SCUBE1: variants seen among roughly 807,000 people sequenced by gnomAD.
SCUBE1 encodes the protein signal peptide, CUB and EGF-like domain-containing protein 1.
SCUBE1 carries 59 observed loss-of-function variants against 124.4 expected under a neutral mutation model. The ratio of observed to expected loss-of-function variants is 0.47; its 90% confidence interval spans 0.38 to 0.59. SCUBE1 has a LOEUF of 0.59. SCUBE1 is among the 20% of genes least tolerant of loss of function. The pLI, the probability that SCUBE1 is intolerant of heterozygous loss-of-function variation, is 0.00. For missense variants in SCUBE1, 1,150 were observed against 1,371.2 expected, an observed-to-expected ratio of 0.84 and a Z score of 2.55; for synonymous variants, 545 against 550.9, an observed-to-expected ratio of 0.99 and a Z score of 0.15.
In SCUBE1 at chr22:43,203,287, C is replaced by A. The variant is rs972447317; in HGVS notation, c.*710G>T. 1 of 151,526 alleles carries A rather than the reference C, an allele frequency of 6.6e-6. No homozygotes were observed. The highest frequency in any genetic ancestry group is 6.6e-5 in the Admixed American group (1 of 15,204). 9.4% of individuals were successfully genotyped at this position (151,526 alleles called of 1,614,324 possible). A position where few individuals can be genotyped will look rare whatever the true frequency, so the allele number is the denominator to read the frequency against. On this transcript the variant is annotated 3_prime_UTR_variant, in exon 22 of 22. Coordinates refer to ENST00000360835, the MANE Select transcript of SCUBE1 (RefSeq NM_173050.5). The stretch of plus-strand genomic sequence containing the variant: ...GCTGCTGGGACTCACTGGGCTCATG[C>A]GGGAAGGGATGGGGTCACAATTCAT...
chr22:43,211,139 G>C lies in SCUBE1; in HGVS notation c.2222-56C>G, dbSNP rs1197891949. 2.0e-6 allele frequency: 3 copies of C among 1,533,764 alleles called. No homozygotes were observed. Among genetic ancestry groups the C allele is most frequent in the South Asian group, 2.4e-5 (2 of 84,934 alleles). ...TGTGGAGGGGTGCAGGGAAAGGGCAGCACTGGGGTGCTGTCCCCAGGACCT... is the reference window on the plus strand; with the variant it reads ...TGTGGAGGGGTGCAGGGAAAGGGCACCACTGGGGTGCTGTCCCCAGGACCT... On this transcript the variant is annotated intron_variant, in intron 17 of 21. Transcript: ENST00000360835. This position sits in a 1 kb window ranked among gnomAD's most constrained non-coding sequence, Gnocchi z 4.5.
At chr22:43,302,498 C>T (rs1040897329) in intron 3 of SCUBE1, among the ~76,000 whole-genome samples, 5 of 152,318 alleles carry the variant, frequency 3.3e-5, no homozygotes, top group East Asian at 1.9e-4. Context: ...GGGCAGGGGG[C>T]GGCTGGGGCC....
intron 6 of SCUBE1, among the ~76,000 whole-genome samples, chr22:43,246,545 C>A (rs763299906): frequency 9.9e-5 from 15 of 152,226 alleles, no homozygotes; most frequent in Non-Finnish European, 2.1e-4. Flanking sequence ...ACCTGCCTGC[C>A]CCTGGAGGGG....
chr22:43,331,231 A>C (rs1926893564), intron 2 of SCUBE1, among the ~76,000 whole-genome samples: 1 of 152,208 alleles, frequency 6.6e-6, no homozygotes, highest in African/African-American at 2.4e-5. Flanking sequence ...CCGGGGATAT[A>C]AAATTCAGGA....
intron 4 of SCUBE1, among the ~76,000 whole-genome samples, chr22:43,280,420 CTGT>C (rs1310650799): frequency 6.1e-5 from 8 of 130,178 alleles, no homozygotes; most frequent in East Asian, 2.7e-4. Context: ...ACCCATCCTC[CTGT>C]CCCTTCCCCT....
At chr22:43,209,436 G>C (rs939615461) in intron 19 of SCUBE1, among the ~76,000 whole-genome samples, 1 of 152,214 alleles carries the variant, frequency 6.6e-6, no homozygotes, top group Non-Finnish European at 1.5e-5. Flanking sequence ...CATTCCTGCT[G>C]CTGTGGCCAG....
rs758187663 is a variant in SCUBE1 at position 43,320,040 on chromosome 22, G to A, written c.246C>T (p.Tyr82=). The stretch of plus-strand genomic sequence containing the variant: ...ACTCGTGGACACAGCCCCCATTGTA[G>A]TAGTCATTCTCACACTCGTCAATGT... ...CEDIDECEND[Y]YNGGCVHECI... Residue 82 remains tyrosine, a synonymous_variant, in exon 3 of 22, where the codon TAC becomes TAT. Coordinates refer to ENST00000360835, the MANE Select transcript of SCUBE1 (RefSeq NM_173050.5). 2 of 1,613,996 alleles carry A rather than the reference G, an allele frequency of 1.2e-6. No individual in the cohort carries two copies. Among genetic ancestry groups the A allele is most frequent in the South Asian group, 1.1e-5 (1 of 91,076 alleles).
intron 1 of SCUBE1, among the ~76,000 whole-genome samples, 199 bp from the exon 2 acceptor site, chr22:43,339,434 G>A (rs943636717): frequency 1.3e-5 from 2 of 152,032 alleles, no homozygotes; most frequent in African/African-American, 4.8e-5. Flanking sequence ...CTGTGGCAGG[G>A]ACAATGCTAT....
Position 43,210,354 on chromosome 22 carries a change from C to G in SCUBE1, c.2384-114G>C. On this transcript the variant is annotated intron_variant, in intron 18 of 21. Transcript: ENST00000360835. This position sits in a 1 kb window ranked among gnomAD's most constrained non-coding sequence, Gnocchi z 4.5. ...GGCAGGGCTGGAAGGTGCTCTTGTC[C>G]CCCCCCACACTAGCCCTCGGACCCT... The G allele has an allele frequency of 2.3e-6, 2 of 857,922 alleles. No individual in the cohort carries two copies. Among genetic ancestry groups the G allele is most frequent in the East Asian group, 3.1e-5 (1 of 32,776 alleles). The allele number at this position is 857,922 out of a possible 1,614,324, so 53.1% of individuals were successfully genotyped here.
Position 43,255,478 on chromosome 22 carries a change from A to C in SCUBE1, c.727+2741T>G. 1 of 1,549,858 alleles carries C rather than the reference A, an allele frequency of 6.5e-7. No homozygotes were observed. Among genetic ancestry groups the C allele is most frequent in the Non-Finnish European group, 8.7e-7 (1 of 1,146,378 alleles). On this transcript the variant is annotated intron_variant, in intron 6 of 21. Transcript: ENST00000360835. This position sits in a 1 kb window ranked among gnomAD's most constrained non-coding sequence, Gnocchi z 4.7. ...CAAGTACGACAAAGGAAGTGGAAGA[A>C]AAGTGTTACCCATGAGTAGCCGCCG...
Position 43,227,365 on chromosome 22 carries a change from G to A in SCUBE1, c.1207+9C>T, listed in dbSNP as rs1331457630. On this transcript the variant is annotated intron_variant, in intron 10 of 21. Coordinates refer to ENST00000360835, the MANE Select transcript of SCUBE1 (RefSeq NM_173050.5). ...GGGGAGGGGCCAGCAGCACAGGGCGGCCACCTACCCACGCAATCCTTCCCG... is the reference window on the plus strand; with the variant it reads ...GGGGAGGGGCCAGCAGCACAGGGCGACCACCTACCCACGCAATCCTTCCCG... 6.2e-7 allele frequency: 1 copy of A among 1,606,354 alleles called. No homozygotes were observed.
rs538002427 is a variant in SCUBE1, at chr22:43,238,876, A to G, written c.806T>C (p.Val269Ala). 155 of 1,613,202 alleles carry G rather than the reference A, an allele frequency of 9.6e-5. 1 individual carries two copies. The South Asian group carries it at 1.2e-3, about 12-fold the overall frequency. ...TATGVRCSCP[V>A]GFTLQPDGKT... The stretch of plus-strand genomic sequence containing the variant: ...CCCGTCCGGCTGCAGTGTGAATCCA[A>G]CGGGGCAGCTGCATCGCACGCCAGT... The change falls in exon 7 of 22, where the codon GTT (valine) becomes GCT (alanine). Residue 269 changes from valine (V) to alanine (A), a missense_variant. Coordinates refer to ENST00000360835, the MANE Select transcript of SCUBE1 (RefSeq NM_173050.5).
intron 14 of SCUBE1, among the ~76,000 whole-genome samples, chr22:43,219,592 G>A (rs1921995635): frequency 6.6e-6 from 1 of 151,768 alleles, no homozygotes; most frequent in Admixed American, 6.6e-5. Context: ...TCCTGCCTCA[G>A]CCTCCTGAGT....
In SCUBE1 at chr22:43,224,850, G is replaced by A. The variant is rs567552513; in HGVS notation, c.1208-1634C>T. Among the ~76,000 whole-genome samples the A allele has an allele frequency of 3.9e-5, 6 of 152,212 alleles. No individual in the cohort carries two copies. The South Asian group carries it at 1.2e-3, about 32-fold the overall frequency. Reference sequence around the variant, plus strand: ...TTATGCCAAGGCTGCAACTTCCCTGGCTGAACTCCTGCAGCCTTATGAATT... The same window carrying A: ...TTATGCCAAGGCTGCAACTTCCCTGACTGAACTCCTGCAGCCTTATGAATT... On this transcript the variant is annotated intron_variant, in intron 10 of 21. Coordinates refer to ENST00000360835, the MANE Select transcript of SCUBE1 (RefSeq NM_173050.5).
At chr22:43,238,760 G>T in intron 7 of SCUBE1, 78 bp downstream of exon 7, 2 of 1,196,208 alleles carry the variant, frequency 1.7e-6, no homozygotes, top group Non-Finnish European at 2.5e-6. Flanking sequence ...CCAGCCCTGG[G>T]CCCGGCTATG....
At chr22:43,281,610 C>T (rs913259087) in intron 4 of SCUBE1, among the ~76,000 whole-genome samples, 10 of 151,006 alleles carry the variant, frequency 6.6e-5, no homozygotes, top group Non-Finnish European at 1.2e-4. Flanking sequence ...CCTGTCACCT[C>T]CTCCTCAGCA....
At chr22:43,323,164 A>G (rs1926612723) in intron 2 of SCUBE1, among the ~76,000 whole-genome samples, 1 of 152,212 alleles carries the variant, frequency 6.6e-6, no homozygotes, top group African/African-American at 2.4e-5. Flanking sequence ...CTGAGAAAGT[A>G]CTATCCAATC....
chr22:43,254,101 C>G (rs189105507), intron 6 of SCUBE1, among the ~76,000 whole-genome samples: 1 of 152,228 alleles, frequency 6.6e-6, no homozygotes, highest in South Asian at 2.1e-4. Context: ...CAGGCCAACC[C>G]GGACTGCCCA....
intron 3 of SCUBE1, among the ~76,000 whole-genome samples, chr22:43,300,881 C>T (rs1305371378): frequency 6.6e-6 from 1 of 152,120 alleles, no homozygotes; most frequent in African/African-American, 2.4e-5. Flanking sequence ...CCACCACCCT[C>T]CAACTTAGAC....
Sources: allele counts gnomAD v4.1 joint callset (sites outside exome capture counted in the v4.1 genomes callset), GRCh38; gene constraint gnomAD v4.1.1; non-coding constraint Gnocchi (gnomAD v3.1); transcripts MANE v1.5; gene names NCBI Gene and HGNC (gene_info 2026-07-23, HGNC 2026-07-21).